Variants in GABRR2 observed in about 807,000 individuals in gnomAD.
GABRR2 encodes gamma-aminobutyric acid receptor subunit rho-2.
In GABRR2, 36 loss-of-function variants were observed where a neutral mutation model predicts 47.0. The ratio of observed to expected loss-of-function variants is 0.77; its 90% CI spans 0.59 to 1.01. GABRR2 has a LOEUF of 1.01. Ranked by LOEUF, GABRR2 falls within the 50% of genes least tolerant of loss-of-function variation. The probability of loss-of-function intolerance (pLI) is 0.00; values close to 1 mark genes in which losing one functional copy is unlikely to be tolerated. For synonymous variants in GABRR2, 204 were observed against 227.5 expected (o/e 0.90, Z 0.93); for missense variants, 587 against 594.6 (o/e 0.99, Z 0.13).
intron 2 of GABRR2, among the ~76,000 whole-genome samples, chr6:89,289,943 C>T (rs146511788): frequency 1.3e-5 from 2 of 152,230 alleles, no homozygotes; most frequent in Admixed American, 6.5e-5. Context: ...CAAGGCACAA[C>T]CTTGCTTTAT....
chr6:89,309,621 A>G (rs1767643178), intron 1 of GABRR2, among the ~76,000 whole-genome samples: 1 of 152,166 alleles, frequency 6.6e-6, no homozygotes, highest in Admixed American at 6.5e-5. Flanking sequence ...TTTGCAGCAT[A>G]ATTGAGCAGA....
At chr6:89,299,205 A>T (rs1774606759) in intron 2 of GABRR2, among the ~76,000 whole-genome samples, 1 of 152,104 alleles carries the variant, frequency 6.6e-6, no homozygotes, top group Admixed American at 6.5e-5. Context: ...GGTGTGCAAG[A>T]AATCTTTGTA....
intron 2 of GABRR2, among the ~76,000 whole-genome samples, chr6:89,284,896 C>T (rs115262175): frequency 2.0e-5 from 3 of 152,156 alleles, no homozygotes; most frequent in African/African-American, 7.2e-5. Flanking sequence ...TGTGCTAGAA[C>T]AGGGCCGGAA....
intron 2 of GABRR2, among the ~76,000 whole-genome samples, chr6:89,284,478 C>G (rs1472473118): frequency 6.6e-6 from 1 of 152,044 alleles, no homozygotes; most frequent in Non-Finnish European, 1.5e-5. Context: ...CCTGAAGTAC[C>G]CAGGTGGGCC....
chr6:89,293,594 C>T (rs574218902), intron 2 of GABRR2, among the ~76,000 whole-genome samples: 1 of 152,212 alleles, frequency 6.6e-6, no homozygotes, highest in Admixed American at 6.5e-5. Flanking sequence ...CGAGACCAGC[C>T]TGGCAACGTG....
intron 1 of GABRR2, among the ~76,000 whole-genome samples, chr6:89,310,141 T>A (rs1402865557): frequency 6.6e-6 from 1 of 152,014 alleles, no homozygotes; most frequent in Non-Finnish European, 1.5e-5. Context: ...TATAGAATAG[T>A]TTCATTGCCC....
At position 89,256,507 on chromosome 6, in the gene GABRR2, T is replaced by C. The variant is rs182111855; in HGVS notation, c.*1163A>G. 1.4e-3 allele frequency among the ~76,000 whole-genome samples: 217 copies of C among 152,256 alleles called. No homozygotes were observed. The highest frequency in any genetic ancestry group is 2.3e-3 in the Non-Finnish European group (157 of 68,018). On this transcript the variant is annotated 3_prime_UTR_variant, in exon 9 of 9. Transcript: ENST00000402938. ...GGAATTGACAAGAGTTGCTGTGTAG[T>C]AAAGGACTAACCTTTACTAGGAAGC... is the stretch of plus-strand genomic sequence containing the variant.
chr6:89,271,785 C>T lies in GABRR2; in HGVS notation c.221-63G>A. ...CTCTCTACCTTTGGGCTGGGAACAG[C>T]CCCAGTTGGCTTCCCCCGGGGAGCC... On this transcript the variant is annotated intron_variant, in intron 2 of 8. Coordinates refer to ENST00000402938, the MANE Select transcript of GABRR2 (RefSeq NM_002043.5). 2.1e-6 allele frequency: 3 copies of T among 1,439,412 alleles called. No homozygotes were observed. In the South Asian group the frequency reaches 3.6e-5, roughly 17 times the overall value. The allele number at this position is 1,439,412 out of a possible 1,614,324, so 89.2% of individuals were successfully genotyped here. A position where few individuals can be genotyped will look rare whatever the true frequency, so the allele number is the denominator to read the frequency against.
At chr6:89,275,228 A>T (rs897511215) in intron 2 of GABRR2, among the ~76,000 whole-genome samples, 1 of 152,212 alleles carries the variant, frequency 6.6e-6, no homozygotes, top group Non-Finnish European at 1.5e-5. Flanking sequence ...ATTCACACTA[A>T]CATTTCTATT....
intron 1 of GABRR2, chr6:89,302,928 C>T: frequency 8.4e-7 from 1 of 1,186,384 alleles, no homozygotes; most frequent in Non-Finnish European, 1.2e-6. Context: ...CGGACATGTT[C>T]CAGCACAAGG....
chr6:89,258,809 A>G (rs2127823366), intron 8 of GABRR2, among the ~76,000 whole-genome samples: 1 of 150,168 alleles, frequency 6.7e-6, no homozygotes, highest in South Asian at 2.1e-4. Flanking sequence ...GTCAAGGGTC[A>G]TGGTATCTGC....
At chr6:89,299,541 T>C (rs556669295) in intron 2 of GABRR2, among the ~76,000 whole-genome samples, 45 of 152,324 alleles carry the variant, frequency 3.0e-4, no homozygotes, top group South Asian at 1.0e-3. Context: ...GTAAATGGCT[T>C]AGTCACTGGT....
At chr6:89,312,999 A>G (rs1427497419) in intron 1 of GABRR2, among the ~76,000 whole-genome samples, 1 of 152,198 alleles carries the variant, frequency 6.6e-6, no homozygotes, top group Non-Finnish European at 1.5e-5. Context: ...AGGTGCCGCC[A>G]AGCCCAGGCT....
Position 89,302,517 on chromosome 6 carries a change from G to A in GABRR2, c.114-2652C>T, listed in dbSNP as rs940558158. On this transcript the variant is annotated intron_variant, in intron 1 of 8. Transcript: ENST00000402938. ...TGTGCTTCCCGGGCCAGCTCAATGCGGACCTGCACAAGCTGGTGGTGAACA... is the reference window on the plus strand; with the variant it reads ...TGTGCTTCCCGGGCCAGCTCAATGCAGACCTGCACAAGCTGGTGGTGAACA... The A allele has an allele frequency of 3.2e-5, 25 of 780,856 alleles. 1 individual carries two copies. The highest frequency in any genetic ancestry group is 8.1e-5 in the South Asian group (6 of 73,754). The allele number at this position is 780,856 out of a possible 1,614,324, so 48.4% of individuals were successfully genotyped here.
chr6:89,305,641 A>C (rs572268831), intron 1 of GABRR2, among the ~76,000 whole-genome samples: 11 of 151,836 alleles, frequency 7.2e-5, no homozygotes, highest in East Asian at 1.9e-4. Flanking sequence ...CACACACACA[A>C]AAAGCATGAG....
chr6:89,308,414 G>A (rs558549628), intron 1 of GABRR2, among the ~76,000 whole-genome samples: 6 of 152,222 alleles, frequency 3.9e-5, no homozygotes, highest in African/African-American at 7.2e-5. Context: ...CATGCAGCTC[G>A]TTGCTACTGT....
At chr6:89,309,348 TG>T (rs1424478344) in intron 1 of GABRR2, among the ~76,000 whole-genome samples, 1 of 152,058 alleles carries the variant, frequency 6.6e-6, no homozygotes, top group Non-Finnish European at 1.5e-5. Flanking sequence ...CTTTGAACCC[TG>T]CCCTCATGCC....
intron 2 of GABRR2, among the ~76,000 whole-genome samples, chr6:89,279,346 G>A (rs921858133): frequency 1.3e-5 from 2 of 152,110 alleles, no homozygotes; most frequent in African/African-American, 2.4e-5. Flanking sequence ...TGAACACCCT[G>A]AAACTGCATA....
At chr6:89,265,551 G>T in intron 7 of GABRR2, 62 bp downstream of exon 7, 2 of 1,518,738 alleles carry the variant, frequency 1.3e-6, no homozygotes, top group Admixed American at 2.1e-5. Flanking sequence ...TTTACTTTTT[G>T]TAAACATAGT....
Sources: gnomAD v4.1 joint callset for allele counts (sites outside exome capture counted in the v4.1 genomes callset) on GRCh38, gnomAD v4.1.1 for gene constraint, MANE v1.5 for transcripts, NCBI Gene and HGNC (gene_info 2026-07-23, HGNC 2026-07-21) for gene names.